Variants in GUCY1A2 observed in about 807,000 individuals in gnomAD.
GUCY1A2 encodes guanylate cyclase 1 soluble subunit alpha 2.
GUCY1A2 carries 27 observed loss-of-function variants against 63.5 expected under a neutral mutation model. The observed-to-expected ratio is 0.43, with a 90% confidence interval of 0.31 to 0.59. The LOEUF (loss-of-function observed/expected upper bound fraction) is 0.59. GUCY1A2 is among the 20% of genes least tolerant of loss of function. The pLI is 0.11. For synonymous variants in GUCY1A2, 364 were observed against 343.5 expected (o/e 1.06, Z -0.66); for missense variants, 768 against 913.3 (o/e 0.84, Z 2.05).
At chr11:106,710,963 A>G (rs1305191267) in intron 6 of GUCY1A2, among the ~76,000 whole-genome samples, 3 of 152,022 alleles carry the variant, frequency 2.0e-5, no homozygotes, top group African/African-American at 7.2e-5. Context: ...GCATATATCA[A>G]CTCATAAAAA....
intron 6 of GUCY1A2, among the ~76,000 whole-genome samples, chr11:106,758,368 G>A (rs193182551): frequency 6.6e-6 from 1 of 152,308 alleles, no homozygotes; most frequent in East Asian, 1.9e-4. Flanking sequence ...CAGTATTTGG[G>A]TAGGAGTGTA....
At chr11:106,824,547 C>T (rs1357265676) in intron 4 of GUCY1A2, among the ~76,000 whole-genome samples, 1 of 151,992 alleles carries the variant, frequency 6.6e-6, no homozygotes, top group Non-Finnish European at 1.5e-5. Flanking sequence ...ACTATCAAGT[C>T]TGCAAAAGCA....
At chr11:106,865,489 T>C (rs1859579355) in intron 4 of GUCY1A2, among the ~76,000 whole-genome samples, 1 of 152,064 alleles carries the variant, frequency 6.6e-6, no homozygotes, top group African/African-American at 2.4e-5. Flanking sequence ...GATGAGTTCA[T>C]GTCCTTTGCA....
At chr11:106,754,015 T>C (rs565539520) in intron 6 of GUCY1A2, among the ~76,000 whole-genome samples, 1 of 152,314 alleles carries the variant, frequency 6.6e-6, no homozygotes, top group Admixed American at 6.5e-5. Flanking sequence ...TTTGTTTGTG[T>C]CCTCTTTTAT....
intron 4 of GUCY1A2, among the ~76,000 whole-genome samples, chr11:106,901,060 A>C (rs929931286): frequency 1.3e-5 from 2 of 152,212 alleles, no homozygotes; most frequent in Non-Finnish European, 1.5e-5. Flanking sequence ...TTTTACCCAC[A>C]GAGGAACTTC....
chr11:106,811,435 T>C (rs1158878583), intron 4 of GUCY1A2, among the ~76,000 whole-genome samples: 2 of 152,098 alleles, frequency 1.3e-5, no homozygotes, highest in Non-Finnish European at 2.9e-5. Flanking sequence ...TTAGAAAGAA[T>C]AGGCTAAAAG....
intron 4 of GUCY1A2, among the ~76,000 whole-genome samples, chr11:106,908,337 C>T (rs997532998): frequency 8.6e-5 from 13 of 151,852 alleles, no homozygotes; most frequent in African/African-American, 2.7e-4. Context: ...TTCTGAAGAA[C>T]TCAACAAACA....
At chr11:107,016,067 T>A (rs1174879367) in intron 1 of GUCY1A2, among the ~76,000 whole-genome samples, 1 of 152,192 alleles carries the variant, frequency 6.6e-6, no homozygotes, top group Non-Finnish European at 1.5e-5. Flanking sequence ...TCTCCATTAA[T>A]ACAAGTGCCA....
At chr11:106,714,191 T>A (rs913057474) in intron 6 of GUCY1A2, among the ~76,000 whole-genome samples, 1 of 151,824 alleles carries the variant, frequency 6.6e-6, no homozygotes, top group Non-Finnish European at 1.5e-5. Flanking sequence ...CTGATATCCT[T>A]GAGGGGGCAG....
At chr11:106,949,674 G>C (rs1316251855) in intron 3 of GUCY1A2, among the ~76,000 whole-genome samples, 1 of 151,952 alleles carries the variant, frequency 6.6e-6, no homozygotes, top group Non-Finnish European at 1.5e-5. Context: ...CCCTCAACCA[G>C]ACTTAACCTC....
chr11:106,831,694 C>A (rs1859053124), intron 4 of GUCY1A2, among the ~76,000 whole-genome samples: 1 of 152,202 alleles, frequency 6.6e-6, no homozygotes, highest in African/African-American at 2.4e-5. Context: ...ATTCCACAGT[C>A]TCTCTCGCAG....
chr11:106,701,294 T>A (rs1862813514), intron 7 of GUCY1A2, among the ~76,000 whole-genome samples: 1 of 152,110 alleles, frequency 6.6e-6, no homozygotes, highest in African/African-American at 2.4e-5. Flanking sequence ...CATGTTCATT[T>A]CAGAGCTAGA....
chr11:106,939,933 T>C lies in GUCY1A2; in HGVS notation c.733A>G (p.Ile245Val), dbSNP rs755357030. Residue 245 changes from isoleucine to valine, a missense_variant, in exon 4 of 8, where the codon ATT becomes GTT. Around this residue, in one of 3 missense-constraint regions of GUCY1A2, gnomAD observed 496 missense variants for 486.9 expected, o/e 1.02. Coordinates refer to ENST00000526355, the MANE Select transcript of GUCY1A2 (RefSeq NM_000855.3). ...ATCCCCAGCATTGCAAACCCCACAA[T>C]ATGGTGAGGGTGGAAGTAGTGGAGC... ...LMLHYFHPHH[I>V]VGFAMLGMIK... The C allele has an allele frequency of 8.7e-6, 14 of 1,613,532 alleles. No homozygotes were observed. The highest frequency in any genetic ancestry group is 1.2e-5 in the Non-Finnish European group (14 of 1,179,726).
rs570054268 is a variant in GUCY1A2 at position 106,912,640 on chromosome 11, G to C, written c.1206+26820C>G. On this transcript the variant is annotated intron_variant, in intron 4 of 7. Transcript: ENST00000526355. ...ATATTCAATCATTATGAAGGCTTGA[G>C]AATAAGCTTGGCACAATCCTGTCAA... Among the ~76,000 whole-genome samples, 7 of 152,142 alleles carry C rather than the reference G, an allele frequency of 4.6e-5. No individual in the cohort carries two copies. In the South Asian group the frequency reaches 1.5e-3, roughly 32 times the overall value.
At position 106,682,279 on chromosome 11, in the gene GUCY1A2, A is replaced by G. The variant is rs1862445133; in HGVS notation, c.*5270T>C. ...TAACTACAAATGAAATAACATCACT[A>G]TCCCAGTCAACTTGTATTTATTCCT... On this transcript the variant is annotated 3_prime_UTR_variant, in exon 8 of 8. Transcript: ENST00000526355. 4.6e-6 allele frequency: 1 copy of G among 216,702 alleles called. No individual in the cohort carries two copies. The highest frequency in any genetic ancestry group is 2.3e-5 in the African/African-American group (1 of 44,406). 13.4% of individuals were successfully genotyped at this position (216,702 alleles called of 1,614,324 possible).
Position 107,018,064 on chromosome 11 carries a change from C to A in GUCY1A2, c.-9G>T. On this transcript the variant is annotated 5_prime_UTR_variant, in exon 1 of 8. Coordinates refer to ENST00000526355, the MANE Select transcript of GUCY1A2 (RefSeq NM_000855.3). ...ATCTTCCTTCGAGACATGCTGCCGG[C>A]GGAGCTGCAGCGGCCGAGGCGGTGG... 1 of 1,444,154 alleles carries A rather than the reference C, an allele frequency of 6.9e-7. No individual in the cohort carries two copies. Among genetic ancestry groups the A allele is most frequent in the Non-Finnish European group, 9.2e-7 (1 of 1,085,136 alleles). The allele number at this position is 1,444,154 out of a possible 1,614,324, so 89.5% of individuals were successfully genotyped here.
rs894013640 is a variant in GUCY1A2, at chr11:106,931,784, T to C, written c.1206+7676A>G. On this transcript the variant is annotated intron_variant, in intron 4 of 7. Coordinates refer to ENST00000526355, the MANE Select transcript of GUCY1A2 (RefSeq NM_000855.3). Reference sequence around the variant, plus strand: ...GTAAGAAATGAGTAGAAGAAGCAAATCTATAGAGATGAAAGTAGGCCAGTG... The same window carrying C: ...GTAAGAAATGAGTAGAAGAAGCAAACCTATAGAGATGAAAGTAGGCCAGTG... 2.0e-5 allele frequency among the ~76,000 whole-genome samples: 3 copies of C among 152,154 alleles called. No homozygotes were observed. The East Asian group carries it at 5.8e-4, about 29-fold the overall frequency.
Position 106,986,129 on chromosome 11 carries a change from A to G in GUCY1A2, c.306T>C (p.Pro102=), listed in dbSNP as rs1329618899. The G allele has an allele frequency of 1.4e-6, 2 of 1,412,214 alleles. No homozygotes were observed. The highest frequency in any genetic ancestry group is 2.0e-6 in the Non-Finnish European group (2 of 995,970). The allele number at this position is 1,412,214 out of a possible 1,614,324, so 87.5% of individuals were successfully genotyped here. ...ESISRLTAPS[P]QTIQQTLKRT... ...TCTTGAGAGTCTGCTGTATCGTCTGAGGCTACAGAATAATAATAATAATAA... is the reference window on the plus strand; with the variant it reads ...TCTTGAGAGTCTGCTGTATCGTCTGGGGCTACAGAATAATAATAATAATAA... Residue 102 remains proline, a splice_region_variant and synonymous_variant, in exon 2 of 8, where the codon CCT becomes CCC. Transcript: ENST00000526355.
intron 6 of GUCY1A2, among the ~76,000 whole-genome samples, chr11:106,733,494 T>C (rs1863537813): frequency 6.6e-6 from 1 of 152,184 alleles, no homozygotes; most frequent in African/African-American, 2.4e-5. Flanking sequence ...CACCATTTAG[T>C]ACCTCTTTAA....
Sources: allele counts gnomAD v4.1 joint callset (sites outside exome capture counted in the v4.1 genomes callset), GRCh38; gene constraint gnomAD v4.1.1; regional missense constraint gnomAD v4.1.1; transcripts MANE v1.5; gene names NCBI Gene and HGNC (gene_info 2026-07-23, HGNC 2026-07-21).